The following INPP4B variants were observed in gnomAD, a reference collection of about 807,000 sequenced individuals.
The protein encoded by INPP4B is inositol polyphosphate 4-phosphatase type II.
INPP4B carries 55 observed loss-of-function variants against 122.5 expected under a neutral mutation model. That is an observed-to-expected ratio of 0.45 (90% CI 0.36 to 0.56). The LOEUF (loss-of-function observed/expected upper bound fraction) is 0.56. INPP4B is among the 20% of genes least tolerant of loss of function. The pLI is 0.00. For missense variants in INPP4B, 1,000 were observed against 1,097.7 expected (o/e 0.91, Z 1.26); for synonymous variants, 403 against 388.7 (o/e 1.04, Z -0.43).
intron 1 of INPP4B, among the ~76,000 whole-genome samples, chr4:142,802,221 T>C (rs1032020752): frequency 1.3e-5 from 2 of 152,178 alleles, no homozygotes; most frequent in African/African-American, 4.8e-5. Flanking sequence ...GAGTGAATCA[T>C]GATGGTACCT....
intron 2 of INPP4B, among the ~76,000 whole-genome samples, chr4:142,465,240 CT>C (rs1219296337): frequency 3.3e-5 from 5 of 151,488 alleles, no homozygotes; most frequent in Non-Finnish European, 5.9e-5. Flanking sequence ...GTCTTTCAGA[CT>C]TTTTTTTTGT....
rs568632531 is a variant in INPP4B at position 142,783,046 on chromosome 4, A to G, written c.-253-57145T>C. ...GATTAAAGACTTAAACGTTAGACCT[A>G]AAACCATAAAAACCCTAGAAGAAAA... On this transcript the variant is annotated intron_variant, in intron 1 of 25. Transcript: ENST00000262992. Among the ~76,000 whole-genome samples the G allele has an allele frequency of 5.3e-5, 8 of 152,004 alleles. No individual in the cohort carries two copies. The South Asian group carries it at 1.7e-3, about 32-fold the overall frequency.
intron 21 of INPP4B, among the ~76,000 whole-genome samples, chr4:142,120,215 T>C (rs1025788020): frequency 2.6e-5 from 4 of 152,114 alleles, no homozygotes; most frequent in Admixed American, 2.6e-4. Context: ...TATATACTTA[T>C]GCTAATACTA....
intron 25 of INPP4B, among the ~76,000 whole-genome samples, chr4:142,033,021 A>G (rs1560880467): frequency 6.6e-6 from 1 of 152,166 alleles, no homozygotes; most frequent in Non-Finnish European, 1.5e-5. Flanking sequence ...TAGCAAGAAA[A>G]TAAAAAAGCC....
intron 2 of INPP4B, among the ~76,000 whole-genome samples, chr4:142,722,038 T>C (rs768076401): frequency 1.3e-5 from 2 of 152,048 alleles, no homozygotes; most frequent in Non-Finnish European, 2.9e-5. Flanking sequence ...AGATCTTTTT[T>C]ACAATTATAT....
chr4:142,440,917 A>G (rs1811565689), intron 3 of INPP4B, among the ~76,000 whole-genome samples: 1 of 152,210 alleles, frequency 6.6e-6, no homozygotes, highest in African/African-American at 2.4e-5. Flanking sequence ...GCTGAATAAA[A>G]TACTATTATT....
rs187313085 is a variant in INPP4B at position 142,804,463 on chromosome 4, C to G, written c.-254+41746G>C. ...AACCACAGGGTTGAATACTTCATCT[C>G]CTCCTTCATTGTTTCACTTAAGTGT... On this transcript the variant is annotated intron_variant, in intron 1 of 25. Coordinates refer to ENST00000262992, the MANE Select transcript of INPP4B (RefSeq NM_001101669.3). 1.7e-3 allele frequency among the ~76,000 whole-genome samples: 256 copies of G among 152,300 alleles called. 1 individual carries two copies. Among genetic ancestry groups the G allele is most frequent in the Middle Eastern group, 3.4e-3 (1 of 294 alleles).
At chr4:142,103,432 A>G (rs1785440614) in intron 23 of INPP4B, among the ~76,000 whole-genome samples, 1 of 152,110 alleles carries the variant, frequency 6.6e-6, no homozygotes, top group Admixed American at 6.6e-5. Flanking sequence ...TGTAAATATA[A>G]GTGATGCAGA....
intron 1 of INPP4B, among the ~76,000 whole-genome samples, chr4:142,806,851 G>GAAA (rs1554013553): frequency 3.4e-5 from 5 of 148,020 alleles, no homozygotes; most frequent in African/African-American, 7.7e-5. Flanking sequence ...AAGAAAGAAA[G>GAAA]GAGAAGAAAA....
At chr4:142,178,335 T>A (rs1320344246) in intron 15 of INPP4B, among the ~76,000 whole-genome samples, 1 of 152,232 alleles carries the variant, frequency 6.6e-6, no homozygotes, top group African/African-American at 2.4e-5. Flanking sequence ...TTGTAATAGC[T>A]CACAAACTGG....
intron 25 of INPP4B, among the ~76,000 whole-genome samples, chr4:142,040,794 GTT>G (rs1203504860): frequency 1.3e-5 from 2 of 152,176 alleles, no homozygotes; most frequent in Non-Finnish European, 2.9e-5. Context: ...CTGTAGGTGT[GTT>G]TGTTGCTAAG....
At chr4:142,375,042 T>G (rs1218520423) in intron 7 of INPP4B, among the ~76,000 whole-genome samples, 1 of 151,898 alleles carries the variant, frequency 6.6e-6, no homozygotes, top group African/African-American at 2.4e-5. Flanking sequence ...TTTCTCTTCC[T>G]TCTTTTTGCT....
intron 2 of INPP4B, among the ~76,000 whole-genome samples, chr4:142,527,286 C>A (rs1269140367): frequency 5.9e-5 from 9 of 151,674 alleles, no homozygotes; most frequent in Admixed American, 5.9e-4. Flanking sequence ...ATATTTAAAT[C>A]ATATTCAAAT....
intron 2 of INPP4B, among the ~76,000 whole-genome samples, chr4:142,687,150 A>C (rs1239561983): frequency 6.6e-6 from 1 of 152,064 alleles, no homozygotes; most frequent in Non-Finnish European, 1.5e-5. Flanking sequence ...AGCACCAAAC[A>C]AAAGAGCATA....
intron 7 of INPP4B, among the ~76,000 whole-genome samples, chr4:142,351,201 G>A (rs1386852024): frequency 6.6e-6 from 1 of 151,938 alleles, no homozygotes; most frequent in African/African-American, 2.4e-5. Flanking sequence ...TCTTGTCCAA[G>A]TTCACCATTA....
At chr4:142,717,930 T>C (rs899871827) in intron 2 of INPP4B, among the ~76,000 whole-genome samples, 1 of 147,436 alleles carries the variant, frequency 6.8e-6, no homozygotes, top group African/African-American at 2.5e-5. Flanking sequence ...AAAAAAGAAT[T>C]GCCCCTTGTA....
rs957058116 is a variant in INPP4B at position 142,624,571 on chromosome 4, T to A, written c.-191+101268A>T. ...GAGGTACAAGAAGGAACTTGTACCA[T>A]TCCTTCTGAAACTATTCCAATCAAT... On this transcript the variant is annotated intron_variant, in intron 2 of 25. Transcript: ENST00000262992. Among the ~76,000 whole-genome samples the A allele has an allele frequency of 2.6e-5, 4 of 152,202 alleles. No individual in the cohort carries two copies. In the East Asian group the frequency reaches 7.7e-4, roughly 29 times the overall value.
Position 142,249,379 on chromosome 4 carries a change from A to G in INPP4B, c.688+11113T>C, listed in dbSNP as rs190754691. ...TATATAATAATTTTACCAAAAAAAG[A>G]GAGAATTAAGAAATTTACACAGAAT... On this transcript the variant is annotated intron_variant, in intron 11 of 25. Transcript: ENST00000262992. Among the ~76,000 whole-genome samples the G allele has an allele frequency of 8.5e-5, 13 of 152,196 alleles. No homozygotes were observed. In the East Asian group the frequency reaches 2.5e-3, roughly 29 times the overall value.
At chr4:142,689,686 A>T (rs982009986) in intron 2 of INPP4B, among the ~76,000 whole-genome samples, 1 of 152,200 alleles carries the variant, frequency 6.6e-6, no homozygotes, top group African/African-American at 2.4e-5. Flanking sequence ...TTAAAGAGGT[A>T]ACCTAAATGG....
Sources: gnomAD v4.1 joint callset for allele counts (sites outside exome capture counted in the v4.1 genomes callset) on GRCh38, gnomAD v4.1.1 for gene constraint, MANE v1.5 for transcripts, NCBI Gene and HGNC (gene_info 2026-07-23, HGNC 2026-07-21) for gene names.